Variants in AAK1 observed in about 807,000 individuals in gnomAD.
AAK1 encodes AP2-associated protein kinase 1.
In AAK1, 37 loss-of-function variants were observed where a neutral mutation model predicts 116.0. The observed-to-expected ratio is 0.32, with a 90% CI of 0.25 to 0.42. The LOEUF (loss-of-function observed/expected upper bound fraction) is 0.42. Ranked by LOEUF, AAK1 falls within the 10% of genes least tolerant of loss-of-function variation. The pLI is 1.00. For synonymous variants in AAK1, 458 were observed against 439.9 expected (o/e 1.04, Z -0.51); for missense variants, 919 against 1,170.6 (o/e 0.79, Z 3.14).
intron 18 of AAK1, chr2:69,481,398 A>AT (rs1675082896): frequency 1.3e-5 from 2 of 152,790 alleles, no homozygotes; most frequent in South Asian, 4.1e-4. Flanking sequence ...AGGCACCTTA[A>AT]TTTTTTCTGG....
rs979815165 is a variant in AAK1 at position 69,459,776 on chromosome 2, G to A, written c.*16093C>T. The A allele has an allele frequency of 3.3e-5, 5 of 152,194 alleles. No homozygotes were observed. The highest frequency in any genetic ancestry group is 1.2e-4 in the African/African-American group (5 of 41,534). 9.4% of individuals were successfully genotyped at this position (152,194 alleles called of 1,614,324 possible). On this transcript the variant is annotated 3_prime_UTR_variant, in exon 22 of 22. Coordinates refer to ENST00000409085, the MANE Select transcript of AAK1 (RefSeq NM_014911.5). ...GAGCTAAGCCAAGAGGACTTCCAGG[G>A]ACTTGAACAAAAACAATTCCCAACC... is the stretch of plus-strand genomic sequence containing the variant.
chr2:69,535,655 A>T (rs1205992538), intron 5 of AAK1, among the ~76,000 whole-genome samples: 1 of 152,054 alleles, frequency 6.6e-6, no homozygotes, highest in Non-Finnish European at 1.5e-5. Context: ...GCCATGTGCC[A>T]TATGGGGAAA....
At chr2:69,607,090 C>T (rs1336440079) in intron 2 of AAK1, among the ~76,000 whole-genome samples, 3 of 142,396 alleles carry the variant, frequency 2.1e-5, no homozygotes, top group African/African-American at 7.8e-5. Flanking sequence ...TTGTGATAAA[C>T]GCTGTGGAGA....
intron 5 of AAK1, among the ~76,000 whole-genome samples, chr2:69,538,597 G>C (rs1670575569): frequency 1.3e-5 from 2 of 152,138 alleles, no homozygotes; most frequent in African/African-American, 4.8e-5. Context: ...TCAATATAAA[G>C]AGGGCTGGGC....
chr2:69,587,963 A>G (rs1048545342), intron 2 of AAK1, among the ~76,000 whole-genome samples: 1 of 151,732 alleles, frequency 6.6e-6, no homozygotes, highest in Non-Finnish European at 1.5e-5. Context: ...AGGTCTCACT[A>G]TGTTGTCCAG....
intron 2 of AAK1, among the ~76,000 whole-genome samples, chr2:69,636,572 T>C (rs539017403): frequency 6.6e-6 from 1 of 152,362 alleles, no homozygotes; most frequent in Admixed American, 6.5e-5. Flanking sequence ...CTGCCAGAAC[T>C]TGTGATGATG....
chr2:69,501,704 C>T (rs994376174), intron 16 of AAK1, among the ~76,000 whole-genome samples: 7 of 152,212 alleles, frequency 4.6e-5, no homozygotes, highest in African/African-American at 1.4e-4. Flanking sequence ...GGCGAGGTGG[C>T]TCACGCCTGT....
intron 2 of AAK1, among the ~76,000 whole-genome samples, chr2:69,640,423 C>A (rs940839074): frequency 2.0e-5 from 3 of 152,120 alleles, no homozygotes; most frequent in African/African-American, 7.2e-5. Flanking sequence ...AAGAACAGAT[C>A]CAGAATTTGA....
chr2:69,554,746 A>C (rs1318413660), intron 3 of AAK1, among the ~76,000 whole-genome samples: 2 of 152,252 alleles, frequency 1.3e-5, no homozygotes, highest in Admixed American at 6.5e-5. Context: ...TTGTAATGGC[A>C]TAGGAGTTCC....
At position 69,620,766 on chromosome 2, in the gene AAK1, C is replaced by G. The variant is rs114249509; in HGVS notation, c.163+22112G>C. Among the ~76,000 whole-genome samples, 1,242 of 152,308 alleles carry G rather than the reference C, an allele frequency of 8.2e-3. 18 individuals are homozygous for G. Among genetic ancestry groups the G allele is most frequent in the African/African-American group, 0.028 (1,144 of 41,558 alleles). Reference sequence around the variant, plus strand: ...TTTAAGGGCTCTCCTTACTAAGCTACCCCTTAAATGTTGCTAAGCCTAAAT... The same window carrying G: ...TTTAAGGGCTCTCCTTACTAAGCTAGCCCTTAAATGTTGCTAAGCCTAAAT... On this transcript the variant is annotated intron_variant, in intron 2 of 21. Transcript: ENST00000409085.
chr2:69,640,209 G>C (rs1451147251), intron 2 of AAK1, among the ~76,000 whole-genome samples: 1 of 151,948 alleles, frequency 6.6e-6, no homozygotes, highest in East Asian at 1.9e-4. Context: ...ATTAAGCAGT[G>C]GTTCTCAAAC....
intron 2 of AAK1, among the ~76,000 whole-genome samples, chr2:69,593,242 T>C (rs1299275694): frequency 6.6e-6 from 1 of 152,136 alleles, no homozygotes; most frequent in Non-Finnish European, 1.5e-5. Context: ...ATAACCAAAG[T>C]TGGAAACCTA....
At position 69,520,993 on chromosome 2, in the gene AAK1, A is replaced by G. The variant is rs751328029; in HGVS notation, c.1056-5T>C. ...GTGGGAATGGGATCTGTCAGTCTAG[A>G]AAGGGAAAAGAGAAAGGTTCATATT... On this transcript the variant is annotated splice_polypyrimidine_tract_variant and splice_region_variant and intron_variant, in intron 10 of 21. Transcript: ENST00000409085. The G allele has an allele frequency of 1.2e-6, 2 of 1,613,790 alleles. No individual in the cohort carries two copies. The highest frequency in any genetic ancestry group is 1.7e-6 in the Non-Finnish European group (2 of 1,179,766).
intron 17 of AAK1, among the ~76,000 whole-genome samples, chr2:69,488,700 T>A (rs1201556371): frequency 2.6e-5 from 4 of 152,176 alleles, no homozygotes; most frequent in African/African-American, 7.2e-5. Flanking sequence ...AAGTTCCATA[T>A]TTTACTCAAA....
intron 3 of AAK1, among the ~76,000 whole-genome samples, chr2:69,550,479 A>G (rs1012932544): frequency 4.6e-5 from 7 of 151,530 alleles, no homozygotes; most frequent in African/African-American, 1.7e-4. Context: ...TAATTTTTGT[A>G]TTTTTAGTAG....
rs199814484 is a variant in AAK1, at chr2:69,476,869, C to G, written c.2791+11G>C. On this transcript the variant is annotated intron_variant, in intron 21 of 21. Coordinates refer to ENST00000409085, the MANE Select transcript of AAK1 (RefSeq NM_014911.5). ...GCCAAGCTCTTCTCTTTTCCCCATCCTTTTTCTTACCTTGTGGGTTTTTGG... is the reference window on the plus strand; with the variant it reads ...GCCAAGCTCTTCTCTTTTCCCCATCGTTTTTCTTACCTTGTGGGTTTTTGG... 225 of 1,604,388 alleles carry G rather than the reference C, an allele frequency of 1.4e-4. 3 individuals are homozygous for G. In the African/African-American group the frequency reaches 2.6e-3, roughly 18 times the overall value.
chr2:69,639,359 G>A (rs1441046603), intron 2 of AAK1, among the ~76,000 whole-genome samples: 1 of 152,148 alleles, frequency 6.6e-6, no homozygotes, highest in Non-Finnish European at 1.5e-5. Flanking sequence ...ATCTTCCCTT[G>A]ATATCATATG....
chr2:69,595,794 T>C lies in AAK1; in HGVS notation c.164-38816A>G, dbSNP rs567645925. Among the ~76,000 whole-genome samples, 13 of 152,340 alleles carry C rather than the reference T, an allele frequency of 8.5e-5. No individual in the cohort carries two copies. The South Asian group carries it at 1.9e-3, about 22-fold the overall frequency. ...AGCCTTATATTGGAAGAAGATGCCA[T>C]CTAAGACTTTCATAGCTAGAGAGGA... is the stretch of plus-strand genomic sequence containing the variant. On this transcript the variant is annotated intron_variant, in intron 2 of 21. Transcript: ENST00000409085.
intron 17 of AAK1, among the ~76,000 whole-genome samples, 200 bp from the exon 18 acceptor site, chr2:69,483,012 G>A (rs1450373286): frequency 6.6e-6 from 1 of 152,148 alleles, no homozygotes; most frequent in Non-Finnish European, 1.5e-5. Context: ...TTCCTCAAGT[G>A]AAGTAGTCAC....
Sources: allele counts gnomAD v4.1 joint callset (sites outside exome capture counted in the v4.1 genomes callset), GRCh38; gene constraint gnomAD v4.1.1; transcripts MANE v1.5; gene names NCBI Gene and HGNC (gene_info 2026-07-23, HGNC 2026-07-21).